Variants in PCDHGA4 observed in about 807,000 individuals in gnomAD.
The protein encoded by PCDHGA4 is protocadherin gamma subfamily A, 4.
In PCDHGA4, 38 loss-of-function variants were observed where a neutral mutation model predicts 54.6. That is an observed-to-expected ratio of 0.70 (90% CI 0.54 to 0.91). The LOEUF (loss-of-function observed/expected upper bound fraction) is 0.91, where lower values mean the gene tolerates loss of function less well. Ranked by LOEUF, PCDHGA4 falls within the 40% of genes least tolerant of loss-of-function variation. The pLI is 0.00. For missense variants in PCDHGA4, 1,298 were observed against 1,220.9 expected, an observed-to-expected ratio of 1.06 and a Z score of -0.94; for synonymous variants, 511 against 512.9, an observed-to-expected ratio of 1.00 and a Z score of 0.05.
At chr5:141,409,828 C>G in intron 1 of PCDHGA4, 1 of 1,611,128 alleles carries the variant, frequency 6.2e-7, no homozygotes, top group Non-Finnish European at 8.5e-7. Flanking sequence ...CGCCCACGCT[C>G]AGCGCCAACG....
chr5:141,398,148 G>T lies in PCDHGA4; in HGVS notation c.2514+40527G>T, dbSNP rs768560617. The T allele has an allele frequency of 9.4e-6, 14 of 1,497,140 alleles. 1 individual carries two copies. Among genetic ancestry groups the T allele is most frequent in the East Asian group, 9.3e-5 (4 of 42,788 alleles). 92.7% of individuals were successfully genotyped at this position (1,497,140 alleles called of 1,614,324 possible). On this transcript the variant is annotated intron_variant, in intron 1 of 3. Coordinates refer to ENST00000571252, the MANE Select transcript of PCDHGA4 (RefSeq NM_018917.4). ...GAGGGATGGGGAGCGGCGCCGGGGA[G>T]CTGGGCCGGGCTGAGAGGCTGCCAG...
In PCDHGA4 at chr5:141,409,316, C is replaced by T. The variant is rs114361948; in HGVS notation, c.2514+51695C>T. 56 of 1,613,968 alleles carry T rather than the reference C, an allele frequency of 3.5e-5. No individual in the cohort carries two copies. The African/African-American group carries it at 6.5e-4, about 19-fold the overall frequency. On this transcript the variant is annotated intron_variant, in intron 1 of 3. Transcript: ENST00000571252. ...AATGGTTGTTGCCCTCTTCAAAACA[C>T]GGGATCTGGATTTCGGAGGAAATGG...
chr5:141,463,466 T>G (rs1400160593), intron 1 of PCDHGA4, among the ~76,000 whole-genome samples: 2 of 142,982 alleles, frequency 1.4e-5, no homozygotes, highest in African/African-American at 5.2e-5. Context: ...TTTTTTTTTT[T>G]GAGATGGAGT....
At chr5:141,488,236 T>G (rs1333427955) in intron 1 of PCDHGA4, among the ~76,000 whole-genome samples, 2 of 152,154 alleles carry the variant, frequency 1.3e-5, no homozygotes, top group Non-Finnish European at 2.9e-5. Context: ...TTGAACTAGA[T>G]GCGGTAAATT....
In PCDHGA4 at chr5:141,375,335, T is replaced by A. The variant is rs781205937; in HGVS notation, c.2514+17714T>A. On this transcript the variant is annotated intron_variant, in intron 1 of 3. Transcript: ENST00000571252. ...TCTAGACCGGGAAGAGGTATTCTTG[T>A]ACAACATCACTGTGACAGCCACGGA... is the stretch of plus-strand genomic sequence containing the variant. 1.7e-5 allele frequency: 27 copies of A among 1,613,694 alleles called. No homozygotes were observed. The Admixed American group carries it at 3.8e-4, about 23-fold the overall frequency.
intron 1 of PCDHGA4, chr5:141,423,117 G>A (rs1429958385): frequency 6.2e-7 from 1 of 1,613,698 alleles, no homozygotes; most frequent in Non-Finnish European, 8.5e-7. Flanking sequence ...TGCGTACAGC[G>A]CGGGCACTGC....
intron 1 of PCDHGA4, chr5:141,420,927 G>A (rs1257204379): frequency 2.8e-6 from 1 of 362,530 alleles, no homozygotes; most frequent in Non-Finnish European, 5.0e-6. Context: ...ACAAAGGTGA[G>A]CGTAATCATT....
rs572603287 is a variant in PCDHGA4 at position 141,477,037 on chromosome 5, G to T, written c.2515-17770G>T. 19 of 1,614,266 alleles carry T rather than the reference G, an allele frequency of 1.2e-5. No homozygotes were observed. In the East Asian group the frequency reaches 3.8e-4, roughly 32 times the overall value. Reference sequence around the variant, plus strand: ...TTGTAACCGGGATGCTGACAATCAAGGGTCGGCTGGACTTCGAGGACACCA... The same window carrying T: ...TTGTAACCGGGATGCTGACAATCAATGGTCGGCTGGACTTCGAGGACACCA... On this transcript the variant is annotated intron_variant, in intron 1 of 3. Transcript: ENST00000571252. The surrounding 1 kb of genome is among the most constrained non-coding windows in gnomAD (Gnocchi z 4.9).
intron 1 of PCDHGA4, chr5:141,385,344 A>G (rs1444885751): frequency 6.4e-7 from 1 of 1,567,338 alleles, no homozygotes. Context: ...CCCTTCCTTT[A>G]TTTCCATGAG....
chr5:141,383,570 G>C (rs1312215313), intron 1 of PCDHGA4: 1 of 1,613,234 alleles, frequency 6.2e-7, no homozygotes, highest in South Asian at 1.1e-5. Flanking sequence ...CCCCGATCCA[G>C]CACCGCCCAC....
At chr5:141,394,151 C>T in intron 1 of PCDHGA4, 2 of 1,613,900 alleles carry the variant, frequency 1.2e-6, no homozygotes, top group Non-Finnish European at 1.7e-6. Context: ...CAGACATTAA[C>T]GACAACCCTC....
At chr5:141,409,896 C>A (rs1181128940) in intron 1 of PCDHGA4, 1 of 1,613,240 alleles carries the variant, frequency 6.2e-7, no homozygotes, top group African/African-American at 1.3e-5. Context: ...GTGCTGTACC[C>A]AGCTCTGGGT....
intron 1 of PCDHGA4, among the ~76,000 whole-genome samples, chr5:141,467,361 G>A (rs555435172): frequency 1.3e-5 from 2 of 151,860 alleles, no homozygotes; most frequent in South Asian, 4.2e-4. Context: ...CCAAATCAAC[G>A]TTTTCTTATA....
intron 1 of PCDHGA4, among the ~76,000 whole-genome samples, chr5:141,460,684 T>C (rs1417815686): frequency 6.6e-6 from 1 of 152,074 alleles, no homozygotes; most frequent in Non-Finnish European, 1.5e-5. Context: ...TATCTATATA[T>C]CCACCAACAG....
At chr5:141,401,677 G>C (rs1017959276) in intron 1 of PCDHGA4, among the ~76,000 whole-genome samples, 2 of 152,184 alleles carry the variant, frequency 1.3e-5, no homozygotes, top group Non-Finnish European at 2.9e-5. Flanking sequence ...CATCCTTGTA[G>C]GATGGAAGGT....
chr5:141,388,985 C>T, intron 1 of PCDHGA4: 1 of 1,613,958 alleles, frequency 6.2e-7, no homozygotes, highest in South Asian at 1.1e-5. Flanking sequence ...TTGCTTTGCT[C>T]AAAGTCCGTG....
intron 1 of PCDHGA4, chr5:141,423,477 C>T (rs376147466): frequency 1.5e-5 from 24 of 1,613,872 alleles, no homozygotes; most frequent in Non-Finnish European, 1.9e-5. Flanking sequence ...TACAGGCTTT[C>T]CTGCAAACCT....
Position 141,469,573 on chromosome 5 carries a change from C to CTAAA in PCDHGA4, c.2515-25217_2515-25214dup, listed in dbSNP as rs1209972534. Among the ~76,000 whole-genome samples the CTAAA allele has an allele frequency of 1.4e-4, 21 of 151,674 alleles. No individual in the cohort carries two copies. In the East Asian group the frequency reaches 2.3e-3, roughly 17 times the overall value. On this transcript the variant is annotated intron_variant, in intron 1 of 3. Coordinates refer to ENST00000571252, the MANE Select transcript of PCDHGA4 (RefSeq NM_018917.4). ...CTGGCGACAGAGTGAGACTCTGTCT[C>CTAAA]TAAATAAATAAATAAATAAAACAAA...
Position 141,476,472 on chromosome 5 carries a change from T to C in PCDHGA4, c.2515-18335T>C. On this transcript the variant is annotated intron_variant, in intron 1 of 3. Coordinates refer to ENST00000571252, the MANE Select transcript of PCDHGA4 (RefSeq NM_018917.4). The surrounding 1 kb of genome is among the most constrained non-coding windows in gnomAD (Gnocchi z 7.6). The stretch of plus-strand genomic sequence containing the variant: ...GTAGTGGAGAACCCGCTGGAGCTGT[T>C]CAGCGTGGAAGTGGTGATCCAGGAC... 1 of 1,614,098 alleles carries C rather than the reference T, an allele frequency of 6.2e-7. No homozygotes were observed. The highest frequency in any genetic ancestry group is 8.5e-7 in the Non-Finnish European group (1 of 1,180,024).
Sources: gnomAD v4.1 joint callset for allele counts (sites outside exome capture counted in the v4.1 genomes callset) on GRCh38, gnomAD v4.1.1 for gene constraint, Gnocchi (gnomAD v3.1) non-coding constraint, MANE v1.5 for transcripts, NCBI Gene and HGNC (gene_info 2026-07-23, HGNC 2026-07-21) for gene names.